PARD3: variants seen among roughly 807,000 people sequenced by gnomAD.
PARD3 encodes the protein partitioning defective 3 homolog.
In PARD3, 75 loss-of-function variants were observed where a neutral mutation model predicts 155.4. The ratio of observed to expected loss-of-function variants is 0.48; its 90% CI spans 0.40 to 0.58. PARD3 has a LOEUF of 0.58. Ranked by LOEUF, PARD3 falls within the 20% of genes least tolerant of loss-of-function variation. The pLI is 0.00. For synonymous variants in PARD3, 576 were observed against 610.5 expected, an observed-to-expected ratio of 0.94 and a Z score of 0.83; for missense variants, 1,642 against 1,721.7, an observed-to-expected ratio of 0.95 and a Z score of 0.82.
At chr10:34,138,954 C>CGT (rs760485951) in intron 22 of PARD3, among the ~76,000 whole-genome samples, 7 of 132,938 alleles carry the variant, frequency 5.3e-5, no homozygotes, top group Non-Finnish European at 1.2e-4. Context: ...TAATGCAATA[C>CGT]CACACTCCAA....
At chr10:34,135,705 G>A (rs577771480) in intron 22 of PARD3, among the ~76,000 whole-genome samples, 10 of 152,198 alleles carry the variant, frequency 6.6e-5, no homozygotes, top group South Asian at 6.2e-4. Flanking sequence ...CCTTAGGTAC[G>A]ATGAGAGGGA....
intron 1 of PARD3, among the ~76,000 whole-genome samples, chr10:34,791,701 G>A (rs1403563786): frequency 6.6e-6 from 1 of 152,054 alleles, no homozygotes; most frequent in Non-Finnish European, 1.5e-5. Context: ...AAAAAAAATT[G>A]TTTAAATTAG....
chr10:34,221,579 A>C (rs1952295640), intron 22 of PARD3, among the ~76,000 whole-genome samples: 1 of 152,172 alleles, frequency 6.6e-6, no homozygotes, highest in Non-Finnish European at 1.5e-5. Flanking sequence ...CTTAATGCAG[A>C]AAGAAGGCAA....
At chr10:34,204,839 C>T (rs557858247) in intron 22 of PARD3, among the ~76,000 whole-genome samples, 3 of 152,228 alleles carry the variant, frequency 2.0e-5, no homozygotes, top group African/African-American at 7.2e-5. Flanking sequence ...ATAAGTAGAA[C>T]ACTTGTTTAT....
intron 2 of PARD3, among the ~76,000 whole-genome samples, chr10:34,633,345 C>G (rs1481040244): frequency 6.6e-6 from 1 of 152,072 alleles, no homozygotes; most frequent in Admixed American, 6.6e-5. Flanking sequence ...CCCCAACCCC[C>G]CTCCCAACCG....
At chr10:34,487,609 C>T (rs190600516) in intron 3 of PARD3, among the ~76,000 whole-genome samples, 2 of 151,314 alleles carry the variant, frequency 1.3e-5, no homozygotes, top group Admixed American at 1.3e-4. Context: ...TGGTGATAAA[C>T]TCCCTGGCTA....
At chr10:34,617,842 G>A (rs1380515429) in intron 2 of PARD3, among the ~76,000 whole-genome samples, 3 of 152,178 alleles carry the variant, frequency 2.0e-5, no homozygotes, top group Non-Finnish European at 4.4e-5. Context: ...GCTCAGCCTA[G>A]AGAGATCAAA....
chr10:34,206,258 C>T (rs1951475937), intron 22 of PARD3, among the ~76,000 whole-genome samples: 1 of 152,162 alleles, frequency 6.6e-6, no homozygotes, highest in African/African-American at 2.4e-5. Context: ...GGCTCTAGCG[C>T]CCCTAGCTAT....
Position 34,399,340 on chromosome 10 carries a change from G to A in PARD3, c.880C>T (p.Arg294Ter). 2 of 1,603,548 alleles carry A rather than the reference G, an allele frequency of 1.2e-6. No individual in the cohort carries two copies. The highest frequency in any genetic ancestry group is 8.5e-7 in the Non-Finnish European group (1 of 1,170,478). Reference sequence around the variant, plus strand: ...TCCAAGATACGTTACCTGCCGCCTCGAGCACTGAAAGGCACTACGTGGATT... The same window carrying A: ...TCCAAGATACGTTACCTGCCGCCTCAAGCACTGAAAGGCACTACGTGGATT... ...LGIHVVPFSA[R>*]GGRTLGLLVK... Residue 294 changes from arginine to a stop codon, truncating the protein, a stop_gained, in exon 7 of 25, where the codon CGA (arginine) becomes TGA (stop). Coordinates refer to ENST00000374788, the MANE Select transcript of PARD3 (RefSeq NM_001184785.2). LOFTEE classifies it high-confidence loss of function.
intron 3 of PARD3, chr10:34,488,552 C>T (rs1057459575): frequency 1.3e-5 from 2 of 152,208 alleles, no homozygotes; most frequent in Admixed American, 1.3e-4. Flanking sequence ...GGAAGTGGGC[C>T]TCTCACGGAC....
Position 34,554,124 on chromosome 10 carries a change from G to A in PARD3, c.223-36965C>T, listed in dbSNP as rs76196855. On this transcript the variant is annotated intron_variant, in intron 2 of 24. Coordinates refer to ENST00000374788, the MANE Select transcript of PARD3 (RefSeq NM_001184785.2). The stretch of plus-strand genomic sequence containing the variant: ...AAAAACATGTTAGCAATTAAAAGGA[G>A]GAAATAATTCCACATTAAAATCAGG... Among the ~76,000 whole-genome samples, 419 of 152,184 alleles carry A rather than the reference G, an allele frequency of 2.8e-3. 1 individual carries two copies. Among genetic ancestry groups the A allele is most frequent in the Non-Finnish European group, 3.9e-3 (264 of 67,994 alleles).
intron 2 of PARD3, among the ~76,000 whole-genome samples, chr10:34,616,784 C>A (rs2091283076): frequency 6.6e-6 from 1 of 151,784 alleles, no homozygotes; most frequent in South Asian, 2.1e-4. Context: ...ACCAAAAAAA[C>A]AAAAGCCAGG....
intron 22 of PARD3, among the ~76,000 whole-genome samples, chr10:34,141,021 T>A (rs1948162368): frequency 1.3e-5 from 2 of 152,214 alleles, no homozygotes; most frequent in African/African-American, 4.8e-5. Context: ...TTGGTAAATA[T>A]CTTGTTATAG....
chr10:34,779,030 G>C (rs572858139), intron 1 of PARD3, among the ~76,000 whole-genome samples: 42 of 152,332 alleles, frequency 2.8e-4, no homozygotes, highest in African/African-American at 9.6e-4. Context: ...ACTAAAGCAG[G>C]CTGGGCACAG....
At chr10:34,672,878 G>C (rs556367004) in intron 2 of PARD3, among the ~76,000 whole-genome samples, 1 of 152,192 alleles carries the variant, frequency 6.6e-6, no homozygotes, top group Non-Finnish European at 1.5e-5. Context: ...TCTGGAGTAA[G>C]GGATGTGGAA....
intron 1 of PARD3, among the ~76,000 whole-genome samples, chr10:34,748,961 T>C (rs1024035449): frequency 6.6e-6 from 1 of 152,250 alleles, no homozygotes; most frequent in Non-Finnish European, 1.5e-5. Context: ...CAGTGGATGT[T>C]ATCTTCCTTA....
intron 1 of PARD3, among the ~76,000 whole-genome samples, chr10:34,721,342 G>A (rs990192014): frequency 6.6e-5 from 10 of 152,182 alleles, no homozygotes; most frequent in South Asian, 2.1e-4. Flanking sequence ...AAGAGTTGTG[G>A]AGCGAACAGG....
intron 22 of PARD3, among the ~76,000 whole-genome samples, chr10:34,235,960 G>T (rs2133607520): frequency 6.6e-6 from 1 of 152,176 alleles, no homozygotes; most frequent in South Asian, 2.1e-4. Flanking sequence ...AATTAACAGA[G>T]ATACCGAGAA....
chr10:34,194,695 A>G (rs1040761178), intron 22 of PARD3, among the ~76,000 whole-genome samples: 1 of 145,778 alleles, frequency 6.9e-6, no homozygotes, highest in African/African-American at 2.6e-5. Context: ...TAATGGGGAG[A>G]TGGACTGAAG....
Sources: allele counts gnomAD v4.1 joint callset (sites outside exome capture counted in the v4.1 genomes callset), GRCh38; gene constraint gnomAD v4.1.1; transcripts MANE v1.5; gene names NCBI Gene and HGNC (gene_info 2026-07-23, HGNC 2026-07-21).